The following CCDC27 variants were observed in gnomAD, a reference collection of about 807,000 sequenced individuals.
CCDC27 encodes coiled-coil domain-containing protein 27.
In CCDC27, 80 loss-of-function variants were observed where a neutral mutation model predicts 80.3. The ratio of observed to expected loss-of-function variants is 1.00; its 90% CI spans 0.83 to 1.20. The LOEUF is 1.20. CCDC27 is among the 50% of genes most tolerant of loss of function. The pLI is 0.00. For synonymous variants in CCDC27, 342 were observed against 334.3 expected (o/e 1.02, Z -0.25); for missense variants, 815 against 809.4 (o/e 1.01, Z -0.08).
In CCDC27 at chr1:3,769,377, G is replaced by A. The variant is rs1004373654; in HGVS notation, c.1744-406G>A. On this transcript the variant is annotated intron_variant, in intron 10 of 11. Coordinates refer to ENST00000294600, the MANE Select transcript of CCDC27 (RefSeq NM_152492.3). This position sits in a 1 kb window ranked among gnomAD's most constrained non-coding sequence, Gnocchi z 4.6. ...ACTGTTAAATGCCTAAAGTGAGAGTGTCCCCAAGGGCCAGGAAGTCCGCTC... is the reference window on the plus strand; with the variant it reads ...ACTGTTAAATGCCTAAAGTGAGAGTATCCCCAAGGGCCAGGAAGTCCGCTC... 3.3e-5 allele frequency among the ~76,000 whole-genome samples: 5 copies of A among 152,192 alleles called. No individual in the cohort carries two copies. The highest frequency in any genetic ancestry group is 1.2e-4 in the African/African-American group (5 of 41,444).
chr1:3,754,190 C>T lies in CCDC27; in HGVS notation c.391C>T (p.His131Tyr), dbSNP rs1260511031. Residue 131 changes from histidine to tyrosine, a missense_variant, in exon 2 of 12, where the codon CAT becomes TAT. Coordinates refer to ENST00000294600, the MANE Select transcript of CCDC27 (RefSeq NM_152492.3). ...KMELRRVFPTHPDCPQFSTRA... is the reference protein window; with the variant it reads ...KMELRRVFPTYPDCPQFSTRA... ...GGAACTTCGAAGGGTCTTCCCCACG[C>T]ATCCTGACTGCCCCCAGTTCAGCAC... is the stretch of plus-strand genomic sequence containing the variant. 1.2e-6 allele frequency: 2 copies of T among 1,613,704 alleles called. No homozygotes were observed. The highest frequency in any genetic ancestry group is 3.3e-5 in the Admixed American group (2 of 59,992).
In CCDC27 at chr1:3,761,203, T is replaced by C; in HGVS notation, c.712-78T>C. 1 of 1,543,290 alleles carries C rather than the reference T, an allele frequency of 6.5e-7. No homozygotes were observed. Among genetic ancestry groups the C allele is most frequent in the East Asian group, 2.3e-5 (1 of 44,280 alleles). Reference sequence around the variant, plus strand: ...ACCACGACAGCAGATCTGCTCCTCCTGGGTGGGCTGGAGGCAGGTCAGGGG... The same window carrying C: ...ACCACGACAGCAGATCTGCTCCTCCCGGGTGGGCTGGAGGCAGGTCAGGGG... On this transcript the variant is annotated intron_variant, in intron 4 of 11. Coordinates refer to ENST00000294600, the MANE Select transcript of CCDC27 (RefSeq NM_152492.3). The surrounding 1 kb of genome is among the most constrained non-coding windows in gnomAD (Gnocchi z 5.0).
At chr1:3,758,556 G>A (rs1007348669) in intron 4 of CCDC27, among the ~76,000 whole-genome samples, 11 of 152,168 alleles carry the variant, frequency 7.2e-5, no homozygotes, top group Non-Finnish European at 1.5e-4. Flanking sequence ...AGAGCTCACG[G>A]CAGCCTCCAT....
At chr1:3,764,641 T>A (rs981702072) in intron 8 of CCDC27, among the ~76,000 whole-genome samples, 7 of 152,214 alleles carry the variant, frequency 4.6e-5, no homozygotes, top group Non-Finnish European at 7.3e-5. Flanking sequence ...GTACTAAGAT[T>A]CATAAACCAC....
chr1:3,753,333 T>G (rs1255117313), intron 1 of CCDC27, among the ~76,000 whole-genome samples: 1 of 135,924 alleles, frequency 7.4e-6, no homozygotes, highest in Non-Finnish European at 1.6e-5. Flanking sequence ...TTTTTTTTTT[T>G]TTTTTTTGAG....
rs1372266945 is a variant in CCDC27 at position 3,767,233 on chromosome 1, C to T, written c.1531C>T (p.Gln511Ter). The T allele has an allele frequency of 1.9e-6, 3 of 1,613,520 alleles. No homozygotes were observed. The highest frequency in any genetic ancestry group is 2.5e-6 in the Non-Finnish European group (3 of 1,179,786). Residue 511 changes from glutamine (Q) to a stop codon, truncating the protein, a stop_gained and splice_region_variant, in exon 10 of 12, where the codon CAA (glutamine) becomes TAA (stop). Transcript: ENST00000294600. LOFTEE classifies it high-confidence loss of function. ...CTTTTTTCTCCCCGGCTGTCCCCAG[C>T]AAGTGTCGGAACTGGAGAGAAAGCT... ...IEKDNQLLRQQVSELERKLTK... is the reference protein window; with the variant it reads ...IEKDNQLLRQ
At chr1:3,764,904 G>A (rs183914953) in intron 8 of CCDC27, among the ~76,000 whole-genome samples, 13 of 152,098 alleles carry the variant, frequency 8.5e-5, no homozygotes, top group African/African-American at 3.1e-4. Flanking sequence ...GTGTGATGGT[G>A]GATGCCTGTA....
chr1:3,761,316 G>C lies in CCDC27; in HGVS notation c.747G>C (p.Gln249His), dbSNP rs1269560195. The change falls in exon 5 of 12, where the codon CAG (glutamine) becomes CAC (histidine). Residue 249 changes from glutamine (Q) to histidine (H), a missense_variant. By Grantham distance (24) the Gln-to-His change is conservative (BLOSUM62 0). Transcript: ENST00000294600. This position sits in a 1 kb window ranked among gnomAD's most constrained non-coding sequence, Gnocchi z 5.0. Reference sequence around the variant, plus strand: ...TGTCTGAGCTGGAGATACAGGTTCAGAAGAAAGACGAGGAGATCCTGCTGC... The same window carrying C: ...TGTCTGAGCTGGAGATACAGGTTCACAAGAAAGACGAGGAGATCCTGCTGC... ...HCLSELEIQV[Q>H]KKDEEILLLQ... 2.5e-6 allele frequency: 4 copies of C among 1,614,058 alleles called. No individual in the cohort carries two copies. Among genetic ancestry groups the C allele is most frequent in the Non-Finnish European group, 3.4e-6 (4 of 1,180,042 alleles).
Position 3,763,892 on chromosome 1 carries a change from TTAACCCCCGGCAGCTCG to T in CCDC27, c.1452+57_1452+73del. Reference sequence around the variant, plus strand: ...CCATGAGCATGGGCCCCAGGCTTCATTAACCCCCGGCAGCTCGGGGCAGGCGCTGCCCGTCCCATCTA... The same window carrying T: ...CCATGAGCATGGGCCCCAGGCTTCATGGGCAGGCGCTGCCCGTCCCATCTA... On this transcript the variant is annotated intron_variant, in intron 8 of 11. Transcript: ENST00000294600. The surrounding 1 kb of genome is among the most constrained non-coding windows in gnomAD (Gnocchi z 7.5). 6.3e-7 allele frequency: 1 copy of T among 1,593,390 alleles called. No homozygotes were observed.
At chr1:3,756,984 A>G in intron 4 of CCDC27, 94 bp downstream of exon 4, 1 of 1,432,274 alleles carries the variant, frequency 7.0e-7, no homozygotes, top group Non-Finnish European at 9.5e-7. Flanking sequence ...CTCTGGTTCT[A>G]GTATCTGGTT....
rs777648308 is a variant in CCDC27, at chr1:3,763,109, T to G, written c.956T>G (p.Met319Arg). ...HEEELQHWWQ[M>R]QEESAAPERG... ...GCCCCTGCCCTACCCATCTTACAGA[T>G]GCAGGAGGAGTCTGCGGCACCGGAG... The change falls in exon 7 of 12, where the codon ATG (methionine) becomes AGG (arginine). Residue 319 changes from methionine to arginine, a missense_variant and splice_region_variant. Met to Arg is a moderately conservative substitution (Grantham distance 91). Coordinates refer to ENST00000294600, the MANE Select transcript of CCDC27 (RefSeq NM_152492.3). The surrounding 1 kb of genome is among the most constrained non-coding windows in gnomAD (Gnocchi z 7.5). 6.8e-7 allele frequency: 1 copy of G among 1,473,062 alleles called. No homozygotes were observed. The highest frequency in any genetic ancestry group is 9.0e-7 in the Non-Finnish European group (1 of 1,111,464). 91.2% of individuals were successfully genotyped at this position (1,473,062 alleles called of 1,614,324 possible). A position where few individuals can be genotyped will look rare whatever the true frequency, so the allele number is the denominator to read the frequency against.
At chr1:3,756,932 T>G (rs4648405) in intron 4 of CCDC27, 42 bp downstream of exon 4, 418,549 of 1,583,204 alleles carry the variant, frequency 0.26, 56,226 homozygotes, top group Admixed American at 0.38. Context: ...CCCACCCCTC[T>G]CTCTGCGTCC....
chr1:3,753,854 C>T (rs1481339929), intron 1 of CCDC27, among the ~76,000 whole-genome samples: 3 of 151,818 alleles, frequency 2.0e-5, no homozygotes, highest in East Asian at 1.9e-4. Context: ...GCAGGGCCCC[C>T]GTCTGTCTAG....
At position 3,761,252 on chromosome 1, in the gene CCDC27, AC is replaced by A; in HGVS notation, c.712-28del. On this transcript the variant is annotated intron_variant, in intron 4 of 11. Coordinates refer to ENST00000294600, the MANE Select transcript of CCDC27 (RefSeq NM_152492.3). The surrounding 1 kb of genome is among the most constrained non-coding windows in gnomAD (Gnocchi z 5.0). Reference sequence around the variant, plus strand: ...GGAAGAGTGTGTGGCTGCATGGCCCACGGGGGCTGCCCTTGGTTTTCTGCCC... The same window carrying A: ...GGAAGAGTGTGTGGCTGCATGGCCCAGGGGGCTGCCCTTGGTTTTCTGCCC... 1.2e-6 allele frequency: 2 copies of A among 1,609,608 alleles called. No individual in the cohort carries two copies. The highest frequency in any genetic ancestry group is 1.7e-6 in the Non-Finnish European group (2 of 1,177,512).
At chr1:3,753,384 C>T (rs558289153) in intron 1 of CCDC27, among the ~76,000 whole-genome samples, 16 of 145,126 alleles carry the variant, frequency 1.1e-4, no homozygotes, top group South Asian at 6.4e-4. Context: ...AGTGCAATGG[C>T]GCGATCTTGG....
intron 4 of CCDC27, 127 bp downstream of exon 4, chr1:3,757,017 T>A: frequency 8.9e-7 from 1 of 1,120,836 alleles, no homozygotes; most frequent in Middle Eastern, 3.0e-4. Context: ...CAGGTCCCCA[T>A]GGCCTAAAAT....
intron 1 of CCDC27, among the ~76,000 whole-genome samples, chr1:3,753,401 G>A (rs904730959): frequency 3.5e-5 from 5 of 143,844 alleles, no homozygotes; most frequent in Non-Finnish European, 6.0e-5. Flanking sequence ...TTGGCTCACC[G>A]CAACCTCCAC....
At position 3,769,646 on chromosome 1, in the gene CCDC27, A is replaced by C; in HGVS notation, c.1744-137A>C. On this transcript the variant is annotated intron_variant, in intron 10 of 11. Coordinates refer to ENST00000294600, the MANE Select transcript of CCDC27 (RefSeq NM_152492.3). This position sits in a 1 kb window ranked among gnomAD's most constrained non-coding sequence, Gnocchi z 4.6. ...ATTGACTTCTCTGACACCTGTTTCC[A>C]GTTTCTAAAGCCATGAAAAGTGAGG... The C allele has an allele frequency of 1.5e-6, 1 of 659,460 alleles. No homozygotes were observed. The allele number at this position is 659,460 out of a possible 1,614,324, so 40.9% of individuals were successfully genotyped here.
chr1:3,762,673 C>G lies in CCDC27; in HGVS notation c.915C>G (p.Ala305=). 1 of 1,549,934 alleles carries G rather than the reference C, an allele frequency of 6.5e-7. No individual in the cohort carries two copies. Among genetic ancestry groups the G allele is most frequent in the Non-Finnish European group, 8.7e-7 (1 of 1,146,780 alleles). ...LKLGRLSLLK[A]FSRHEEELQH... ...TGGGCAGGCTGAGCCTCCTGAAGGC[C>G]TTCTCCAGACATGAGGAGGAGCTGC... is the stretch of plus-strand genomic sequence containing the variant. Residue 305 remains alanine (A), a synonymous_variant, in exon 6 of 12, where the codon GCC becomes GCG. Coordinates refer to ENST00000294600, the MANE Select transcript of CCDC27 (RefSeq NM_152492.3).
Sources: gnomAD v4.1 joint callset for allele counts (sites outside exome capture counted in the v4.1 genomes callset) on GRCh38, gnomAD v4.1.1 for gene constraint, Gnocchi (gnomAD v3.1) non-coding constraint, MANE v1.5 for transcripts, NCBI Gene and HGNC (gene_info 2026-07-23, HGNC 2026-07-21) for gene names.